Variants in LDLRAP1 observed in about 807,000 individuals in gnomAD.
The protein encoded by LDLRAP1 is low density lipoprotein receptor adaptor protein 1.
Under a neutral mutation model 37.8 loss-of-function variants are expected in LDLRAP1, and 30 were observed. The observed-to-expected ratio is 0.79, with a 90% CI of 0.59 to 1.08. The LOEUF (loss-of-function observed/expected upper bound fraction) is 1.08, where lower values mean the gene tolerates loss of function less well. Among genes scored for constraint, LDLRAP1 ranks in the 50% least tolerant of loss-of-function variants. LDLRAP1 has a pLI of 0.00. For synonymous variants in LDLRAP1, 156 were observed against 169.8 expected (o/e 0.92, Z 0.63); for missense variants, 375 against 401.6 (o/e 0.93, Z 0.57).
At chr1:25,575,423 T>A in the LDLRAP1 span, among the ~76,000 whole-genome samples, 41 of 108,738 alleles carry the variant, frequency 3.8e-4, no homozygotes, top group African/African-American at 4.1e-4. Flanking sequence ...CTGTCTCTAC[T>A]AAAAAAAAAA....
chr1:25,578,354 C>T, the LDLRAP1 span, among the ~76,000 whole-genome samples: 2 of 152,226 alleles, frequency 1.3e-5, no homozygotes, highest in African/African-American at 2.4e-5. Flanking sequence ...TTTGAGCCCA[C>T]TGCTGATATG....
chr1:25,564,840 T>C (rs775621971), intron 7 of LDLRAP1: 75 of 349,330 alleles, frequency 2.1e-4, no homozygotes, highest in Non-Finnish European at 3.7e-4. Context: ...TGCCCTCCTC[T>C]TATTGAAGGA....
chr1:25,557,355 G>A (rs1160674759), intron 4 of LDLRAP1, 88 bp downstream of exon 4: 2 of 1,014,588 alleles, frequency 2.0e-6, no homozygotes, highest in Non-Finnish European at 3.1e-6. Flanking sequence ...TGGGAGGCAG[G>A]ACCCAAAGGT....
intron 3 of LDLRAP1, among the ~76,000 whole-genome samples, chr1:25,556,727 G>T (rs138807646): frequency 6.6e-6 from 1 of 152,228 alleles, no homozygotes; most frequent in Non-Finnish European, 1.5e-5. Context: ...TCAGGTCTGG[G>T]CTCAGGTCTT....
chr1:25,585,391 C>T, the LDLRAP1 span, among the ~76,000 whole-genome samples: 5 of 151,268 alleles, frequency 3.3e-5, no homozygotes, highest in Admixed American at 1.3e-4. Flanking sequence ...AGTGGCACGA[C>T]CTCGGCTCAC....
rs1280077921 is a variant in LDLRAP1 at position 25,567,947 on chromosome 1, T to G, written c.*955T>G. On this transcript the variant is annotated 3_prime_UTR_variant, in exon 9 of 9. Transcript: ENST00000374338. The stretch of plus-strand genomic sequence containing the variant: ...CCTGACACCTAGATTTATTTGGAAA[T>G]ATTCTATGACCACTTTACAGATGAG... 1 of 142,016 alleles carries G rather than the reference T, an allele frequency of 7.0e-6. No individual in the cohort carries two copies. The highest frequency in any genetic ancestry group is 2.7e-5 in the African/African-American group (1 of 37,334). The allele number at this position is 142,016 out of a possible 1,614,324, so 8.8% of individuals were successfully genotyped here.
chr1:25,574,381 C>A, the LDLRAP1 span, among the ~76,000 whole-genome samples: 1 of 152,222 alleles, frequency 6.6e-6, no homozygotes, highest in Non-Finnish European at 1.5e-5. Flanking sequence ...CTGAGGCTGT[C>A]ATCCAGGGTC....
At chr1:25,578,964 G>A in the LDLRAP1 span, among the ~76,000 whole-genome samples, 1 of 152,186 alleles carries the variant, frequency 6.6e-6, no homozygotes, top group Non-Finnish European at 1.5e-5. Flanking sequence ...GAGAAACATG[G>A]CTTCTTAAAT....
At chr1:25,571,543 C>T (rs995162617), downstream of LDLRAP1, among the ~76,000 whole-genome samples, 1 of 152,240 alleles carries the variant, frequency 6.6e-6, no homozygotes, top group Non-Finnish European at 1.5e-5. Flanking sequence ...GGCCCCTGTG[C>T]TTGCACGTAT....
chr1:25,552,474 C>T (rs971006046), intron 1 of LDLRAP1, among the ~76,000 whole-genome samples: 6 of 152,178 alleles, frequency 3.9e-5, no homozygotes, highest in African/African-American at 1.4e-4. Context: ...CTGGCTGGAT[C>T]CTGCTCTGTC....
the LDLRAP1 span, among the ~76,000 whole-genome samples, chr1:25,587,715 GAGAA>G: frequency 4.6e-5 from 7 of 152,192 alleles, no homozygotes; most frequent in Non-Finnish European, 7.3e-5. Context: ...AACCCGAGAA[GAGAA>G]AGAGTTACTG....
the LDLRAP1 span, among the ~76,000 whole-genome samples, chr1:25,575,510 ACTTGAG>A: frequency 1.3e-5 from 2 of 151,184 alleles, no homozygotes; most frequent in Admixed American, 1.3e-4. Context: ...TGGGAAGATC[ACTTGAG>A]CCTGGAAAGT....
chr1:25,558,085 G>A (rs2124677091), intron 4 of LDLRAP1, among the ~76,000 whole-genome samples: 1 of 152,256 alleles, frequency 6.6e-6, no homozygotes, highest in African/African-American at 2.4e-5. Context: ...GTGGTCACGG[G>A]GGATTTGTCC....
the LDLRAP1 span, among the ~76,000 whole-genome samples, chr1:25,575,463 C>G: frequency 6.9e-6 from 1 of 145,724 alleles, no homozygotes; most frequent in African/African-American, 2.5e-5. Flanking sequence ...TGCATGGTGG[C>G]ATGCATCTGT....
chr1:25,562,427 G>A (rs1017229099), intron 4 of LDLRAP1, among the ~76,000 whole-genome samples: 6 of 152,224 alleles, frequency 3.9e-5, no homozygotes, highest in South Asian at 2.1e-4. Flanking sequence ...CTGCCTCTGC[G>A]AGGCTATGGC....
At chr1:25,577,293 G>A in the LDLRAP1 span, among the ~76,000 whole-genome samples, 6 of 152,202 alleles carry the variant, frequency 3.9e-5, no homozygotes, top group Admixed American at 6.5e-5. Context: ...AGACCCAGCT[G>A]GGAGGTGGAG....
rs2124666847 is a variant in LDLRAP1, at chr1:25,554,852, C to T, written c.232-8C>T. ...GGCAGACTCCTCTGACTCCTGTCTG[C>T]TCCCAAGGCTAAGGCCAGTGGGAAG... On this transcript the variant is annotated splice_polypyrimidine_tract_variant and splice_region_variant and intron_variant, in intron 2 of 8. Coordinates refer to ENST00000374338, the MANE Select transcript of LDLRAP1 (RefSeq NM_015627.3). The surrounding 1 kb of genome is among the most constrained non-coding windows in gnomAD (Gnocchi z 5.4). 1.2e-6 allele frequency: 2 copies of T among 1,609,998 alleles called. No individual in the cohort carries two copies. Among genetic ancestry groups the T allele is most frequent in the South Asian group, 1.1e-5 (1 of 90,806 alleles).
At chr1:25,582,796 G>A in the LDLRAP1 span, among the ~76,000 whole-genome samples, 3 of 152,030 alleles carry the variant, frequency 2.0e-5, no homozygotes, top group African/African-American at 7.2e-5. Context: ...AATGAGCCGG[G>A]TACGGTGGCT....
the LDLRAP1 span, among the ~76,000 whole-genome samples, chr1:25,585,186 T>G: frequency 2.6e-5 from 4 of 152,212 alleles, no homozygotes; most frequent in Non-Finnish European, 5.9e-5. Context: ...GCATTTCTTA[T>G]TTAATAATCG....
Sources: allele counts gnomAD v4.1 joint callset (sites outside exome capture counted in the v4.1 genomes callset), GRCh38; gene constraint gnomAD v4.1.1; non-coding constraint Gnocchi (gnomAD v3.1); transcripts MANE v1.5; gene names NCBI Gene and HGNC (gene_info 2026-07-23, HGNC 2026-07-21).